The following PCDHA5 variants were observed in gnomAD, a reference collection of about 807,000 sequenced individuals.
The protein encoded by PCDHA5 is protocadherin alpha-5.
PCDHA5 carries 43 observed loss-of-function variants against 61.6 expected under a neutral mutation model. The observed-to-expected ratio is 0.70, with a 90% CI of 0.55 to 0.90. The LOEUF is 0.90. Ranked by LOEUF, PCDHA5 falls within the 40% of genes least tolerant of loss-of-function variation. The probability of loss-of-function intolerance (pLI) is 0.00; values close to 1 mark genes in which losing one functional copy is unlikely to be tolerated. For synonymous variants in PCDHA5, 627 were observed against 543.9 expected, an observed-to-expected ratio of 1.15 and a Z score of -2.13; for missense variants, 1,298 against 1,222.7, an observed-to-expected ratio of 1.06 and a Z score of -0.92.
intron 1 of PCDHA5, among the ~76,000 whole-genome samples, chr5:140,965,879 G>A (rs920261632): frequency 6.6e-6 from 1 of 152,216 alleles, no homozygotes; most frequent in Non-Finnish European, 1.5e-5. Flanking sequence ...ACTTGGCCGA[G>A]AGCAGAATTG....
At chr5:140,982,336 A>G in intron 2 of PCDHA5, 139 bp from the exon 3 acceptor site, 1 of 1,449,074 alleles carries the variant, frequency 6.9e-7, no homozygotes, top group Non-Finnish European at 9.2e-7. Context: ...GCTCAGCAGT[A>G]ATTGCTTCAG....
Position 140,822,151 on chromosome 5 carries a change from A to T in PCDHA5, c.376A>T (p.Asn126Tyr). 3 of 1,614,248 alleles carry T rather than the reference A, an allele frequency of 1.9e-6. No individual in the cohort carries two copies. The highest frequency in any genetic ancestry group is 2.5e-6 in the Non-Finnish European group (3 of 1,180,038). Reference protein sequence around the residue: ...FHVEVAVKDINDNPPRFSRQE... With the variant: ...FHVEVAVKDIYDNPPRFSRQE... ...TGTGGAGGTGGCAGTGAAGGACATC[A>T]ATGACAATCCGCCCAGGTTCTCCAG... Residue 126 changes from asparagine (N) to tyrosine (Y), a missense_variant, in exon 1 of 4, where the codon AAT becomes TAT. By Grantham distance (143) the Asn-to-Tyr change is moderately radical (BLOSUM62 -2). Coordinates refer to ENST00000529859, the MANE Select transcript of PCDHA5 (RefSeq NM_018908.3).
chr5:140,927,995 AC>A, intron 1 of PCDHA5: 5 of 1,614,042 alleles, frequency 3.1e-6, no homozygotes, highest in Non-Finnish European at 4.2e-6. Flanking sequence ...AAGGATGAAG[AC>A]CTCGATTCTA....
intron 1 of PCDHA5, chr5:140,967,425 C>A (rs1218574888): frequency 1.2e-6 from 2 of 1,613,178 alleles, no homozygotes; most frequent in Non-Finnish European, 1.7e-6. Context: ...CGGGAGCAGG[C>A]AGCCTTGCAC....
intron 1 of PCDHA5, among the ~76,000 whole-genome samples, chr5:140,941,191 T>TTTTC (rs1217097209): frequency 2.1e-5 from 2 of 93,206 alleles, no homozygotes; most frequent in African/African-American, 7.9e-5. Flanking sequence ...GCTTCTTTTT[T>TTTTC]TTTCTTTCTT....
chr5:140,884,479 C>T, intron 1 of PCDHA5: 1 of 1,613,914 alleles, frequency 6.2e-7, no homozygotes, highest in Non-Finnish European at 8.5e-7. Context: ...CGGGCAAGCC[C>T]ACTCTAGTGT....
intron 1 of PCDHA5, among the ~76,000 whole-genome samples, chr5:140,940,583 G>A (rs1294741133): frequency 6.6e-6 from 1 of 151,990 alleles, no homozygotes; most frequent in East Asian, 1.9e-4. Flanking sequence ...AAAGTGTTGG[G>A]ATTTCAGGCA....
chr5:140,936,760 T>G (rs2091134702), intron 1 of PCDHA5, among the ~76,000 whole-genome samples: 1 of 152,220 alleles, frequency 6.6e-6, no homozygotes, highest in African/African-American at 2.4e-5. Context: ...TGATATCTAA[T>G]TGTGTAAGTT....
chr5:140,870,175 G>C (rs2051727190), intron 1 of PCDHA5: 1 of 1,614,012 alleles, frequency 6.2e-7, no homozygotes, highest in South Asian at 1.1e-5. Context: ...GTCCCTCCCA[G>C]TACGAGAGGA....
At chr5:140,851,891 A>T (rs1554145590) in intron 1 of PCDHA5, 4 of 976,308 alleles carry the variant, frequency 4.1e-6, no homozygotes, top group East Asian at 1.1e-4. Flanking sequence ...TGGATATGAG[A>T]TTTGCCTCTT....
chr5:140,958,265 C>A (rs1010851166), intron 1 of PCDHA5, among the ~76,000 whole-genome samples: 1 of 151,680 alleles, frequency 6.6e-6, no homozygotes, highest in Admixed American at 6.6e-5. Flanking sequence ...TAATTTGGTA[C>A]AAGAAGTATA....
At chr5:140,867,519 G>T (rs1028879679) in intron 1 of PCDHA5, 3 of 152,018 alleles carry the variant, frequency 2.0e-5, no homozygotes, top group Admixed American at 1.3e-4. Context: ...CAAATTAATA[G>T]TTGAATATAT....
At chr5:140,828,188 T>A (rs2150152126) in intron 1 of PCDHA5, 3 of 1,614,140 alleles carry the variant, frequency 1.9e-6, no homozygotes, top group Non-Finnish European at 2.5e-6. Flanking sequence ...CCAGCTCCAC[T>A]ACTCCGTACC....
intron 3 of PCDHA5, among the ~76,000 whole-genome samples, chr5:141,000,391 CTCTCTATATA>C (rs1171335262): frequency 2.9e-3 from 162 of 56,578 alleles, no homozygotes; most frequent in African/African-American, 4.6e-3. Flanking sequence ...CTCTCTCTCT[CTCTCTATATA>C]TATATATATA....
At chr5:141,007,199 G>A (rs561958637) in intron 3 of PCDHA5, among the ~76,000 whole-genome samples, 3 of 152,036 alleles carry the variant, frequency 2.0e-5, no homozygotes, top group African/African-American at 7.2e-5. Flanking sequence ...TGATGGTGGG[G>A]GCCAGAATAT....
chr5:140,831,031 G>A (rs10038174), intron 1 of PCDHA5: 88,595 of 152,032 alleles, frequency 0.58, 26,556 homozygotes, highest in African/African-American at 0.72. Context: ...TTGTGATTCC[G>A]GGAGGCAATA....
intron 1 of PCDHA5, chr5:140,967,750 C>A (rs782284231): frequency 1.4e-5 from 22 of 1,614,072 alleles, no homozygotes; most frequent in Non-Finnish European, 1.7e-6. Flanking sequence ...ATGAGGAAGC[C>A]TCCTCCTACC....
chr5:140,825,862 G>C (rs2150141609), intron 1 of PCDHA5: 43 of 152,470 alleles, frequency 2.8e-4, no homozygotes, highest in African/African-American at 8.4e-4. Context: ...CTCCCCTCTT[G>C]AGTTGTTTAC....
rs1344675374 is a variant in PCDHA5 at position 140,952,992 on chromosome 5, ACT to A, written c.2353-25951_2353-25950del. Among the ~76,000 whole-genome samples, 6 of 151,892 alleles carry A rather than the reference ACT, an allele frequency of 4.0e-5. No individual in the cohort carries two copies. In the East Asian group the frequency reaches 7.7e-4, roughly 20 times the overall value. On this transcript the variant is annotated intron_variant, in intron 1 of 3. Transcript: ENST00000529859. ...TTTTAAACAACAAGATCTCATGAGAACTCTCTCACTATTATGAGAACAACATT... is the reference window on the plus strand; with the variant it reads ...TTTTAAACAACAAGATCTCATGAGAACTCTCACTATTATGAGAACAACATT...
Sources: allele counts gnomAD v4.1 joint callset (sites outside exome capture counted in the v4.1 genomes callset), GRCh38; gene constraint gnomAD v4.1.1; transcripts MANE v1.5; gene names NCBI Gene and HGNC (gene_info 2026-07-23, HGNC 2026-07-21).